The following PTPRG variants were observed in gnomAD, a reference collection of about 807,000 sequenced individuals.
PTPRG encodes the protein receptor-type tyrosine-protein phosphatase gamma.
Under a neutral mutation model 165.3 loss-of-function variants are expected in PTPRG, and 102 were observed. That is an observed-to-expected ratio of 0.62 (90% CI 0.53 to 0.73). PTPRG has a LOEUF of 0.73. Among genes scored for constraint, PTPRG ranks in the 30% least tolerant of loss-of-function variants. The pLI is 0.00. For missense variants in PTPRG, 1,866 were observed against 1,861.4 expected (o/e 1.00, Z -0.05); for synonymous variants, 675 against 669.5 (o/e 1.01, Z -0.13).
chr3:61,723,510 C>G (rs1462724249), intron 1 of PTPRG, among the ~76,000 whole-genome samples: 8 of 151,856 alleles, frequency 5.3e-5, no homozygotes, highest in Admixed American at 5.2e-4. Flanking sequence ...TTGTTTCTAT[C>G]AAAAAGGGTT....
chr3:61,835,763 G>T (rs1355391590), intron 2 of PTPRG, among the ~76,000 whole-genome samples: 3 of 151,908 alleles, frequency 2.0e-5, no homozygotes, highest in Non-Finnish European at 4.4e-5. Context: ...CGTGGGCCGG[G>T]CACAGTGGCT....
intron 14 of PTPRG, among the ~76,000 whole-genome samples, chr3:62,242,361 AGAG>A (rs2106948646): frequency 6.6e-6 from 1 of 152,346 alleles, no homozygotes; most frequent in African/African-American, 2.4e-5. Context: ...GTGCTCTATT[AGAG>A]TAGTCCTGGG....
At chr3:62,166,192 C>T (rs1576085084) in intron 7 of PTPRG, among the ~76,000 whole-genome samples, 1 of 60,636 alleles carries the variant, frequency 1.6e-5, no homozygotes, top group African/African-American at 6.0e-5. Context: ...TTTCAAATTA[C>T]AGTTCTTTTT....
rs561334410 is a variant in PTPRG, at chr3:61,939,928, C to CTTTTTTTTTTTTTTTTTT, written c.191-49678_191-49661dup. 1.5e-4 allele frequency among the ~76,000 whole-genome samples: 6 copies of CTTTTTTTTTTTTTTTTTT among 39,140 alleles called. 3 individuals carry two copies. Among genetic ancestry groups the CTTTTTTTTTTTTTTTTTT allele is most frequent in the Admixed American group, 9.1e-4 (2 of 2,196 alleles). The allele number at this position is 39,140 out of a possible 152,430, so 25.7% of individuals were successfully genotyped here. The stretch of plus-strand genomic sequence containing the variant: ...TGTCTTGGCTTCCTTACTGACTTGT[C>CTTTTTTTTTTTTTTTTTT]TTTTTTTTTTTTTTTTTTTTTTTTT... On this transcript the variant is annotated intron_variant, in intron 2 of 29. Transcript: ENST00000474889.
At chr3:61,743,932 A>G (rs977195705) in intron 1 of PTPRG, among the ~76,000 whole-genome samples, 1 of 152,230 alleles carries the variant, frequency 6.6e-6, no homozygotes, top group African/African-American at 2.4e-5. Context: ...AAAGGCATTC[A>G]TTTGCATAAT....
At chr3:62,286,928 G>A (rs994644756) in intron 28 of PTPRG, among the ~76,000 whole-genome samples, 1 of 152,074 alleles carries the variant, frequency 6.6e-6, no homozygotes, top group Non-Finnish European at 1.5e-5. Flanking sequence ...ATTATGTTTG[G>A]TATGCAGAAG....
intron 6 of PTPRG, among the ~76,000 whole-genome samples, chr3:62,139,824 C>A (rs555259821): frequency 2.6e-5 from 4 of 152,334 alleles, no homozygotes; most frequent in South Asian, 4.1e-4. Context: ...CTCACCAAAT[C>A]TATGGACAAA....
chr3:62,182,940 C>T (rs1332098347), intron 8 of PTPRG, among the ~76,000 whole-genome samples: 5 of 152,232 alleles, frequency 3.3e-5, no homozygotes, highest in Non-Finnish European at 7.3e-5. Context: ...CAGGCATGAG[C>T]CACTACGCCC....
chr3:61,973,977 A>T (rs1317892518), intron 2 of PTPRG, among the ~76,000 whole-genome samples: 1 of 151,340 alleles, frequency 6.6e-6, no homozygotes, highest in Non-Finnish European at 1.5e-5. Flanking sequence ...ACTGTCAGAG[A>T]TTTTTTTTTC....
intron 1 of PTPRG, among the ~76,000 whole-genome samples, chr3:61,738,145 G>A (rs569741518): frequency 6.0e-5 from 9 of 149,306 alleles, no homozygotes; most frequent in Admixed American, 2.7e-4. Flanking sequence ...TGATCCACCC[G>A]CCTCGGCCTC....
intron 15 of PTPRG, among the ~76,000 whole-genome samples, chr3:62,253,974 G>C (rs191570316): frequency 2.6e-4 from 39 of 152,288 alleles, no homozygotes; most frequent in South Asian, 8.3e-4. Flanking sequence ...ACTTAAGCAT[G>C]ATTCAAGTTT....
At chr3:61,998,733 T>C (rs987211263) in intron 3 of PTPRG, among the ~76,000 whole-genome samples, 2 of 152,234 alleles carry the variant, frequency 1.3e-5, no homozygotes, top group African/African-American at 4.8e-5. Context: ...CTTCTTCTAC[T>C]GTCTCCATCA....
chr3:61,961,075 T>C (rs956278223), intron 2 of PTPRG, among the ~76,000 whole-genome samples: 1 of 152,214 alleles, frequency 6.6e-6, no homozygotes, highest in Non-Finnish European at 1.5e-5. Context: ...AAACAGGCAG[T>C]AAAGTGTTAA....
intron 2 of PTPRG, among the ~76,000 whole-genome samples, chr3:61,809,703 A>T (rs1221335326): frequency 2.0e-5 from 3 of 152,202 alleles, no homozygotes; most frequent in African/African-American, 7.2e-5. Context: ...ATTCTGTATT[A>T]ATATGAAGGG....
At chr3:62,029,880 A>G (rs964310875) in intron 4 of PTPRG, among the ~76,000 whole-genome samples, 2 of 152,238 alleles carry the variant, frequency 1.3e-5, no homozygotes, top group South Asian at 2.1e-4. Flanking sequence ...AGTGCATTTC[A>G]TATTGCCGGC....
chr3:61,812,048 C>A (rs763183052), intron 2 of PTPRG, among the ~76,000 whole-genome samples: 1 of 152,156 alleles, frequency 6.6e-6, no homozygotes, highest in African/African-American at 2.4e-5. Flanking sequence ...TAGTGGGGAG[C>A]ACCATGAGTT....
chr3:62,202,365 G>T (rs1470295475), intron 11 of PTPRG, among the ~76,000 whole-genome samples: 1 of 152,196 alleles, frequency 6.6e-6, no homozygotes, highest in Non-Finnish European at 1.5e-5. Context: ...TAACATCTCT[G>T]TGTCTGAGTT....
At chr3:62,175,384 G>A (rs543292783) in intron 8 of PTPRG, among the ~76,000 whole-genome samples, 2 of 152,300 alleles carry the variant, frequency 1.3e-5, no homozygotes, top group South Asian at 4.1e-4. Flanking sequence ...GGGAGGTAGA[G>A]GTGAGCAGTT....
At chr3:61,840,744 A>T (rs1406414946) in intron 2 of PTPRG, among the ~76,000 whole-genome samples, 1 of 150,736 alleles carries the variant, frequency 6.6e-6, no homozygotes, top group East Asian at 1.9e-4. Context: ...AATATATAGG[A>T]TACAGAAAAT....
Sources: allele counts gnomAD v4.1 joint callset (sites outside exome capture counted in the v4.1 genomes callset), GRCh38; gene constraint gnomAD v4.1.1; transcripts MANE v1.5; gene names NCBI Gene and HGNC (gene_info 2026-07-23, HGNC 2026-07-21).